The following RBM38 variants were observed in gnomAD, a reference collection of about 807,000 sequenced individuals.
RBM38 encodes the protein RNA-binding protein 38.
RBM38 carries 11 observed loss-of-function variants against 23.5 expected under a neutral mutation model. That is an observed-to-expected ratio of 0.47 (90% CI 0.29 to 0.77). The LOEUF (loss-of-function observed/expected upper bound fraction) is 0.77, where lower values mean the gene tolerates loss of function less well. RBM38 is among the 30% of genes least tolerant of loss of function. The pLI, the probability that RBM38 is intolerant of heterozygous loss-of-function variation, is 0.08. For missense variants in RBM38, 330 were observed against 351.9 expected (o/e 0.94, Z 0.50); for synonymous variants, 165 against 166.1 (o/e 0.99, Z 0.05).
chr20:57,404,280 G>A (rs2067359424), intron 3 of RBM38, among the ~76,000 whole-genome samples: 1 of 152,248 alleles, frequency 6.6e-6, no homozygotes, highest in Non-Finnish European at 1.5e-5. Flanking sequence ...GGACCCCGGG[G>A]CCTGTTCTTG....
At chr20:57,392,141 C>T (rs1403025165) in intron 1 of RBM38, 1 of 240,618 alleles carries the variant, frequency 4.2e-6, no homozygotes, top group African/African-American at 2.4e-5. Flanking sequence ...CCTGGAGCAG[C>T]GGGGGGTGAG....
At position 57,407,915 on chromosome 20, in the gene RBM38, G is replaced by A. The variant is rs2067404850; in HGVS notation, c.*69G>A. On this transcript the variant is annotated 3_prime_UTR_variant, in exon 4 of 4. Coordinates refer to ENST00000356208, the MANE Select transcript of RBM38 (RefSeq NM_017495.6). This position sits in a 1 kb window ranked among gnomAD's most constrained non-coding sequence, Gnocchi z 4.0. Reference sequence around the variant, plus strand: ...GCAGACAGAGCTGCCAGGCCATGATGGGCTGGCGACAGCCCGGCTGAGCTT... The same window carrying A: ...GCAGACAGAGCTGCCAGGCCATGATAGGCTGGCGACAGCCCGGCTGAGCTT... 2 of 1,487,202 alleles carry A rather than the reference G, an allele frequency of 1.3e-6. No individual in the cohort carries two copies. Among genetic ancestry groups the A allele is most frequent in the Non-Finnish European group, 1.8e-6 (2 of 1,117,622 alleles). 92.1% of individuals were successfully genotyped at this position (1,487,202 alleles called of 1,614,324 possible).
Position 57,407,315 on chromosome 20 carries a change from G to A in RBM38, c.417-228G>A, listed in dbSNP as rs1471647838. Among the ~76,000 whole-genome samples, 1 of 152,346 alleles carries A rather than the reference G, an allele frequency of 6.6e-6. No individual in the cohort carries two copies. Among genetic ancestry groups the A allele is most frequent in the South Asian group, 2.1e-4 (1 of 4,832 alleles). On this transcript the variant is annotated intron_variant, in intron 3 of 3. Transcript: ENST00000356208. The surrounding 1 kb of genome is among the most constrained non-coding windows in gnomAD (Gnocchi z 4.0). ...GGGTGCAGTCTGGGAAGGCCTTGCT[G>A]AGAAGGAGACATGGAGTGGAGGAGG... is the stretch of plus-strand genomic sequence containing the variant.
In RBM38 at chr20:57,398,360, G is replaced by A. The variant is rs918036996; in HGVS notation, c.416+5027G>A. ...GCCCTGTTGGCTTCTGGGGAAGAGC[G>A]AGCAGCCCAGGCCCAGGGTGACAGG... On this transcript the variant is annotated intron_variant, in intron 3 of 3. Coordinates refer to ENST00000356208, the MANE Select transcript of RBM38 (RefSeq NM_017495.6). Among the ~76,000 whole-genome samples, 6 of 152,280 alleles carry A rather than the reference G, an allele frequency of 3.9e-5. No individual in the cohort carries two copies. The South Asian group carries it at 8.3e-4, about 21-fold the overall frequency.
At chr20:57,392,923 C>A (rs1382189348) in intron 2 of RBM38, 146 bp downstream of exon 2, 2 of 1,100,322 alleles carry the variant, frequency 1.8e-6, no homozygotes, top group Non-Finnish European at 2.6e-6. Context: ...GGGCAGCCAT[C>A]CCCCCCTCGA....
chr20:57,407,818 C>T lies in RBM38; in HGVS notation c.692C>T (p.Pro231Leu), dbSNP rs1428286800. Residue 231 changes from proline (P) to leucine (L), a missense_variant, in exon 4 of 4, where the codon CCG becomes CTG. Pro to Leu is a moderately conservative substitution (Grantham distance 98). This residue lies in a region of RBM38 where 227 missense variants were observed against 216.4 expected (regional missense o/e 1.05). Transcript: ENST00000356208. This position sits in a 1 kb window ranked among gnomAD's most constrained non-coding sequence, Gnocchi z 4.0. ...ACCACTTTCGTGCAGTACCAGGCGC[C>T]GCAGCTGCAGCCTGACAGGATGCAG... Reference protein sequence around the residue: ...AGTTFVQYQAPQLQPDRMQ With the variant: ...AGTTFVQYQALQLQPDRMQ The T allele has an allele frequency of 7.0e-6, 11 of 1,582,106 alleles. No homozygotes were observed. Among genetic ancestry groups the T allele is most frequent in the South Asian group, 1.1e-5 (1 of 87,720 alleles).
chr20:57,393,671 T>C (rs1332235933), intron 3 of RBM38, among the ~76,000 whole-genome samples: 2 of 152,204 alleles, frequency 1.3e-5, no homozygotes, highest in Non-Finnish European at 2.9e-5. Context: ...CTGGTGCAGG[T>C]AACGCCCTCT....
In RBM38 at chr20:57,393,776, G is replaced by A. The variant is rs148555655; in HGVS notation, c.416+443G>A. Among the ~76,000 whole-genome samples the A allele has an allele frequency of 6.8e-3, 1,043 of 152,338 alleles. 13 individuals are homozygous for A. Among genetic ancestry groups the A allele is most frequent in the African/African-American group, 0.019 (777 of 41,570 alleles). On this transcript the variant is annotated intron_variant, in intron 3 of 3. Transcript: ENST00000356208. Reference sequence around the variant, plus strand: ...TCTAGTGCTGGGGCAGGTGGTGGCAGTAGGTCATTGCTACCAAGGTCTGAT... The same window carrying A: ...TCTAGTGCTGGGGCAGGTGGTGGCAATAGGTCATTGCTACCAAGGTCTGAT...
At chr20:57,396,518 C>T (rs1363474731) in intron 3 of RBM38, among the ~76,000 whole-genome samples, 1 of 152,250 alleles carries the variant, frequency 6.6e-6, no homozygotes. Flanking sequence ...TAGCTGCACC[C>T]AGAGCCTCTC....
intron 3 of RBM38, among the ~76,000 whole-genome samples, chr20:57,397,404 G>C (rs1433871432): frequency 6.6e-6 from 1 of 152,250 alleles, no homozygotes; most frequent in Non-Finnish European, 1.5e-5. Context: ...CTAGATGGCA[G>C]CTCTTGGATG....
chr20:57,404,580 G>A (rs1193039032), intron 3 of RBM38, among the ~76,000 whole-genome samples: 2 of 152,196 alleles, frequency 1.3e-5, no homozygotes, highest in African/African-American at 4.8e-5. Flanking sequence ...CCCTTCTGGG[G>A]CCCCCTGCCT....
At chr20:57,404,078 G>T (rs1355119885) in intron 3 of RBM38, among the ~76,000 whole-genome samples, 1 of 152,244 alleles carries the variant, frequency 6.6e-6, no homozygotes, top group Non-Finnish European at 1.5e-5. Context: ...GTGTTTGAGT[G>T]TCCCTGAGTA....
chr20:57,407,667 C>A lies in RBM38; in HGVS notation c.541C>A (p.Gln181Lys). 6.2e-7 allele frequency: 1 copy of A among 1,613,228 alleles called. No homozygotes were observed. Among genetic ancestry groups the A allele is most frequent in the South Asian group, 1.1e-5 (1 of 91,092 alleles). ...CACGCCGGCCAGCCCGGCCTACGCCCAGTACCCACCGGCCACCTATGACCA... is the reference window on the plus strand; with the variant it reads ...CACGCCGGCCAGCCCGGCCTACGCCAAGTACCCACCGGCCACCTATGACCA... ...EYTPASPAYA[Q>K]YPPATYDQYP... is the part of the protein sequence containing the mutation. Residue 181 changes from glutamine (Q) to lysine (K), a missense_variant, in exon 4 of 4, where the codon CAG becomes AAG. By Grantham distance (53) the Gln-to-Lys change is moderately conservative. Transcript: ENST00000356208. The surrounding 1 kb of genome is among the most constrained non-coding windows in gnomAD (Gnocchi z 4.0).
At chr20:57,400,920 TGGGA>T (rs2067321621) in intron 3 of RBM38, among the ~76,000 whole-genome samples, 1 of 152,058 alleles carries the variant, frequency 6.6e-6, no homozygotes, top group Non-Finnish European at 1.5e-5. Flanking sequence ...GGGGAGCGCG[TGGGA>T]CTCCAGCAGC....
At position 57,397,902 on chromosome 20, in the gene RBM38, G is replaced by A. The variant is rs776973914; in HGVS notation, c.416+4569G>A. Among the ~76,000 whole-genome samples, 12 of 152,338 alleles carry A rather than the reference G, an allele frequency of 7.9e-5. No homozygotes were observed. The East Asian group carries it at 1.7e-3, about 22-fold the overall frequency. ...GGAAGCTGGCGGAATGAGTGCCTGCGTGGGGACGGAACAGTTCCGCGTCTC... is the reference window on the plus strand; with the variant it reads ...GGAAGCTGGCGGAATGAGTGCCTGCATGGGGACGGAACAGTTCCGCGTCTC... On this transcript the variant is annotated intron_variant, in intron 3 of 3. Transcript: ENST00000356208.
intron 3 of RBM38, among the ~76,000 whole-genome samples, chr20:57,406,361 C>G (rs1050584485): frequency 6.6e-6 from 1 of 152,166 alleles, no homozygotes; most frequent in Non-Finnish European, 1.5e-5. Flanking sequence ...GGCCTCAATG[C>G]GTTTCCACAG....
In RBM38 at chr20:57,393,232, G is replaced by T. The variant is rs764955509; in HGVS notation, c.362-47G>T. The stretch of plus-strand genomic sequence containing the variant: ...CCACCCTGTGTGCAGCCCTTGAGAC[G>T]TGGCTCGTGCAGCAAGGCCAAGTCC... On this transcript the variant is annotated intron_variant, in intron 2 of 3. Transcript: ENST00000356208. The T allele has an allele frequency of 2.5e-6, 4 of 1,585,672 alleles. No homozygotes were observed. The Middle Eastern group carries it at 5.0e-4, about 198-fold the overall frequency.
At position 57,392,606 on chromosome 20, in the gene RBM38, C is replaced by G. The variant is rs562032150; in HGVS notation, c.238-48C>G. On this transcript the variant is annotated intron_variant, in intron 1 of 3. Coordinates refer to ENST00000356208, the MANE Select transcript of RBM38 (RefSeq NM_017495.6). ...AGGGCGGAGCCGTCTGCCCCTTTCG[C>G]CCCTGGTTCCCCCCACGGCAGCCCC... 4.4e-6 allele frequency: 7 copies of G among 1,574,856 alleles called. No individual in the cohort carries two copies. In the South Asian group the frequency reaches 6.9e-5, roughly 16 times the overall value.
chr20:57,395,560 A>C (rs1431387751), intron 3 of RBM38, among the ~76,000 whole-genome samples: 1 of 152,202 alleles, frequency 6.6e-6, no homozygotes, highest in Middle Eastern at 3.2e-3. Context: ...AGACCCAAAC[A>C]GGGACGGTGT....
Sources: allele counts gnomAD v4.1 joint callset (sites outside exome capture counted in the v4.1 genomes callset), GRCh38; gene constraint gnomAD v4.1.1; regional missense constraint gnomAD v4.1.1; non-coding constraint Gnocchi (gnomAD v3.1); transcripts MANE v1.5; gene names NCBI Gene and HGNC (gene_info 2026-07-23, HGNC 2026-07-21).